Variants in FGD4 observed in about 807,000 individuals in gnomAD.
FGD4 encodes FYVE, RhoGEF and PH domain containing 4, also known as FYVE, RhoGEF and PH domain-containing protein 4.
FGD4 carries 42 observed loss-of-function variants against 102.0 expected under a neutral mutation model. That is an observed-to-expected ratio of 0.41 (90% CI 0.32 to 0.53). The LOEUF (loss-of-function observed/expected upper bound fraction) is 0.53. Among genes scored for constraint, FGD4 ranks in the 20% least tolerant of loss-of-function variants. The pLI is 0.21. For missense variants in FGD4, 902 were observed against 1,078.2 expected, an observed-to-expected ratio of 0.84 and a Z score of 2.29; for synonymous variants, 380 against 375.7, an observed-to-expected ratio of 1.01 and a Z score of -0.13.
At chr12:32,459,705 T>C (rs1245961363) in intron 1 of FGD4, among the ~76,000 whole-genome samples, 2 of 152,086 alleles carry the variant, frequency 1.3e-5, no homozygotes, top group Non-Finnish European at 2.9e-5. Flanking sequence ...TCTTTTTTTT[T>C]TTTCTAAATT....
chr12:32,632,921 A>G (rs1950578213), intron 14 of FGD4, among the ~76,000 whole-genome samples: 1 of 151,822 alleles, frequency 6.6e-6, no homozygotes, highest in African/African-American at 2.4e-5. Flanking sequence ...TACAGCTTGG[A>G]GGAGGTTTAA....
chr12:32,563,709 C>A (rs11052074), intron 1 of FGD4, among the ~76,000 whole-genome samples: 5,934 of 152,204 alleles, frequency 0.039, 314 homozygotes, highest in African/African-American at 0.12. Context: ...AGCCTGGGCA[C>A]CATTGAGCAC....
chr12:32,589,307 G>A (rs6488067), intron 4 of FGD4, among the ~76,000 whole-genome samples: 73,023 of 151,888 alleles, frequency 0.48, 19,271 homozygotes, highest in African/African-American at 0.71. Context: ...CCTCTCTTTC[G>A]GTTCTCCCAC....
intron 1 of FGD4, among the ~76,000 whole-genome samples, chr12:32,431,142 A>G (rs542466291): frequency 6.6e-6 from 1 of 152,366 alleles, no homozygotes; most frequent in Non-Finnish European, 1.5e-5. Flanking sequence ...AAAATTAAAA[A>G]TCATATAACT....
At position 32,453,220 on chromosome 12, in the gene FGD4, A is replaced by ATAAT. The variant is rs1391496111; in HGVS notation, c.166+53261_166+53262insTAAT. Among the ~76,000 whole-genome samples the ATAAT allele has an allele frequency of 5.3e-4, 28 of 52,788 alleles. 1 individual carries two copies. The highest frequency in any genetic ancestry group is 1.9e-3 in the African/African-American group (26 of 13,950). The allele number at this position is 52,788 out of a possible 152,430, so 34.6% of individuals were successfully genotyped here. On this transcript the variant is annotated intron_variant, in intron 1 of 16. Transcript: ENST00000534526. ...ATATATTATATATATATATATATATAATATAGATATATATATATTTTTTTT... is the reference window on the plus strand; with the variant it reads ...ATATATTATATATATATATATATATATAATATATAGATATATATATATTTTTTTT...
In FGD4 at chr12:32,443,340, C is replaced by G. The variant is rs543005067; in HGVS notation, c.166+43381C>G. Among the ~76,000 whole-genome samples, 12 of 152,134 alleles carry G rather than the reference C, an allele frequency of 7.9e-5. No homozygotes were observed. In the South Asian group the frequency reaches 2.5e-3, roughly 32 times the overall value. ...TAGCCTGGGCAACAGAACAAGACCC[C>G]TGGTTTTTTTGGTTTATTGTTGTTT... On this transcript the variant is annotated intron_variant, in intron 1 of 16. Transcript: ENST00000534526.
At chr12:32,456,029 C>G (rs1233537866) in intron 1 of FGD4, among the ~76,000 whole-genome samples, 1 of 152,142 alleles carries the variant, frequency 6.6e-6, no homozygotes, top group East Asian at 1.9e-4. Context: ...CCAACCTTCT[C>G]AGCTGTTGTG....
intron 14 of FGD4, among the ~76,000 whole-genome samples, chr12:32,630,569 CT>C (rs1019336667): frequency 2.6e-5 from 4 of 151,990 alleles, no homozygotes; most frequent in Non-Finnish European, 4.4e-5. Flanking sequence ...AATCCCAGCA[CT>C]TTAGGAGGCC....
At chr12:32,451,655 G>A (rs1942778036) in intron 1 of FGD4, among the ~76,000 whole-genome samples, 1 of 151,550 alleles carries the variant, frequency 6.6e-6, no homozygotes, top group African/African-American at 2.4e-5. Context: ...TGTAATCCCA[G>A]GAGGGATTTG....
rs1424544614 is a variant in FGD4 at position 32,515,957 on chromosome 12, C to T, written c.167-48180C>T. Among the ~76,000 whole-genome samples the T allele has an allele frequency of 2.0e-5, 3 of 152,140 alleles. No homozygotes were observed. The East Asian group carries it at 5.8e-4, about 29-fold the overall frequency. ...ATAAGCTTTCAACAAACGTGACAAT[C>T]GTATTGAAGAAATTGAACCCAGTCT... On this transcript the variant is annotated intron_variant, in intron 1 of 16. Coordinates refer to ENST00000534526, the MANE Select transcript of FGD4 (RefSeq NM_001370298.3).
rs906725594 is a variant in FGD4, at chr12:32,540,268, A to C, written c.167-23869A>C. 2.0e-5 allele frequency among the ~76,000 whole-genome samples: 3 copies of C among 152,224 alleles called. No homozygotes were observed. In the South Asian group the frequency reaches 6.2e-4, roughly 32 times the overall value. On this transcript the variant is annotated intron_variant, in intron 1 of 16. Transcript: ENST00000534526. ...AGAAATGTCATAGGAGAGGTACAAA[A>C]TATGTTTGGAGAATAGAAAAGGAGG...
intron 2 of FGD4, among the ~76,000 whole-genome samples, chr12:32,572,311 G>A (rs1250142958): frequency 6.6e-6 from 1 of 152,116 alleles, no homozygotes; most frequent in Non-Finnish European, 1.5e-5. Context: ...TGGATTCAGG[G>A]CACCTTTTAC....
At chr12:32,527,252 G>A (rs752652698) in intron 1 of FGD4, among the ~76,000 whole-genome samples, 1 of 152,092 alleles carries the variant, frequency 6.6e-6, no homozygotes, top group Non-Finnish European at 1.5e-5. Flanking sequence ...GGGATATTAC[G>A]CAGTGTTTAA....
At chr12:32,532,862 T>A (rs989673728) in intron 1 of FGD4, among the ~76,000 whole-genome samples, 5 of 152,248 alleles carry the variant, frequency 3.3e-5, no homozygotes, top group African/African-American at 1.2e-4. Context: ...TACCCTATTC[T>A]GTATCAGATT....
chr12:32,456,233 A>AT (rs1292163614), intron 1 of FGD4, among the ~76,000 whole-genome samples: 1 of 152,088 alleles, frequency 6.6e-6, no homozygotes, highest in Non-Finnish European at 1.5e-5. Context: ...CCTTGTGCCC[A>AT]TTTTTTCACT....
intron 1 of FGD4, among the ~76,000 whole-genome samples, chr12:32,492,294 T>C (rs1944124060): frequency 6.6e-6 from 1 of 151,770 alleles, no homozygotes; most frequent in African/African-American, 2.4e-5. Flanking sequence ...TAATTACACA[T>C]CAAAGTCCCC....
chr12:32,438,462 G>A lies in FGD4; in HGVS notation c.166+38503G>A, dbSNP rs1467639079. On this transcript the variant is annotated intron_variant, in intron 1 of 16. Coordinates refer to ENST00000534526, the MANE Select transcript of FGD4 (RefSeq NM_001370298.3). ...GATTCTTCAATAAGCTTGCTTTTAG[G>A]TTTCAACTGCCTTGAGCAGTTGAAA... Among the ~76,000 whole-genome samples, 3 of 152,056 alleles carry A rather than the reference G, an allele frequency of 2.0e-5. 1 individual carries two copies. The highest frequency in any genetic ancestry group is 2.0e-4 in the Admixed American group (3 of 15,254).
intron 1 of FGD4, among the ~76,000 whole-genome samples, chr12:32,486,823 T>C (rs1943916932): frequency 6.6e-6 from 1 of 152,238 alleles, no homozygotes; most frequent in Non-Finnish European, 1.5e-5. Flanking sequence ...GTTGATGTTT[T>C]TGTTCAGAGA....
chr12:32,400,384 G>GT (rs1187859732), intron 1 of FGD4, among the ~76,000 whole-genome samples: 7 of 152,206 alleles, frequency 4.6e-5, no homozygotes, highest in African/African-American at 1.4e-4. Flanking sequence ...CAACCTAGGT[G>GT]TGGTGAGCAA....
Sources: allele counts gnomAD v4.1 joint callset (sites outside exome capture counted in the v4.1 genomes callset), GRCh38; gene constraint gnomAD v4.1.1; transcripts MANE v1.5; gene names NCBI Gene and HGNC (gene_info 2026-07-23, HGNC 2026-07-21).